Variants in PARVB observed in about 807,000 individuals in gnomAD.
The protein encoded by PARVB is beta-parvin.
In PARVB, 46 loss-of-function variants were observed where a neutral mutation model predicts 47.0. The ratio of observed to expected loss-of-function variants is 0.98; its 90% CI spans 0.77 to 1.25. PARVB has a LOEUF of 1.25. Among genes scored for constraint, PARVB ranks in the 50% most tolerant of loss-of-function variants. PARVB has a pLI of 0.00. For synonymous variants in PARVB, 196 were observed against 196.3 expected (o/e 1.00, Z 0.01); for missense variants, 473 against 471.6 (o/e 1.00, Z -0.03).
chr22:44,135,678 C>T (rs926438320), intron 6 of PARVB, among the ~76,000 whole-genome samples: 1 of 152,202 alleles, frequency 6.6e-6, no homozygotes, highest in Non-Finnish European at 1.5e-5. Flanking sequence ...GACATTTATT[C>T]TCTCGCAATT....
intron 7 of PARVB, among the ~76,000 whole-genome samples, chr22:44,137,612 C>A (rs1434836207): frequency 6.6e-6 from 1 of 152,182 alleles, no homozygotes; most frequent in Non-Finnish European, 1.5e-5. Context: ...GTTGTTCAGC[C>A]AGTCTCGCCT....
rs145459097 is a variant in PARVB at position 44,071,398 on chromosome 22, G to A, written c.113-22530G>A. 2.2e-3 allele frequency among the ~76,000 whole-genome samples: 334 copies of A among 152,290 alleles called. 1 individual carries two copies. Among genetic ancestry groups the A allele is most frequent in the African/African-American group, 7.7e-3 (319 of 41,564 alleles). On this transcript the variant is annotated intron_variant, in intron 1 of 12. Coordinates refer to ENST00000338758, the MANE Select transcript of PARVB (RefSeq NM_013327.5). ...CCACTGGGCTTCCTAAAATGCAAAC[G>A]AATTGAAAAGCTGTGCTGAATGTGT...
At position 44,119,198 on chromosome 22, in the gene PARVB, G is replaced by T. The variant is rs541576573; in HGVS notation, c.376+58G>T. The stretch of plus-strand genomic sequence containing the variant: ...CCCCATCTCCCTGCAGCGGCCCTGG[G>T]CTGGGCCAGGATTCTCTGCATAGTG... On this transcript the variant is annotated intron_variant, in intron 4 of 12. Transcript: ENST00000338758. The T allele has an allele frequency of 3.2e-5, 39 of 1,209,804 alleles. No homozygotes were observed. The South Asian group carries it at 4.3e-4, about 13-fold the overall frequency. 74.9% of individuals were successfully genotyped at this position (1,209,804 alleles called of 1,614,324 possible). A position where few individuals can be genotyped will look rare whatever the true frequency, so the allele number is the denominator to read the frequency against.
At chr22:44,088,300 G>T (rs1254261092) in intron 1 of PARVB, among the ~76,000 whole-genome samples, 1 of 152,164 alleles carries the variant, frequency 6.6e-6, no homozygotes. Flanking sequence ...GAACACCCAG[G>T]AGGGCTTCTT....
intron 9 of PARVB, 59 bp downstream of exon 9, chr22:44,147,981 A>C: frequency 7.8e-7 from 1 of 1,284,756 alleles, no homozygotes; most frequent in Non-Finnish European, 1.1e-6. Context: ...TTTTGACAGC[A>C]CAAACGCCCC....
chr22:44,129,292 G>A (rs1328585970), intron 4 of PARVB, among the ~76,000 whole-genome samples: 1 of 152,174 alleles, frequency 6.6e-6, no homozygotes, highest in Non-Finnish European at 1.5e-5. Flanking sequence ...CCGGTGCCTT[G>A]ATCTTGGACT....
At position 44,132,980 on chromosome 22, in the gene PARVB, C is replaced by A. The variant is rs2147165170; in HGVS notation, c.604C>A (p.His202Asn). 1 of 1,614,024 alleles carries A rather than the reference C, an allele frequency of 6.2e-7. No homozygotes were observed. Among genetic ancestry groups the A allele is most frequent in the South Asian group, 1.1e-5 (1 of 91,070 alleles). ...HFRAPIRLPEHVTVQVVVVRK... is the reference protein window; with the variant it reads ...HFRAPIRLPENVTVQVVVVRK... Reference sequence around the variant, plus strand: ...CAGGGCCCCCATCCGCCTTCCTGAGCATGTAACGGTGCAGGTGGTGGTCGT... The same window carrying A: ...CAGGGCCCCCATCCGCCTTCCTGAGAATGTAACGGTGCAGGTGGTGGTCGT... Residue 202 changes from histidine to asparagine, a missense_variant, in exon 6 of 13, where the codon CAT becomes AAT. Coordinates refer to ENST00000338758, the MANE Select transcript of PARVB (RefSeq NM_013327.5).
chr22:44,132,858 G>A, intron 5 of PARVB, 36 bp from the exon 6 acceptor site: 1 of 1,459,036 alleles, frequency 6.9e-7, no homozygotes, highest in South Asian at 1.1e-5. Flanking sequence ...TGTGTAACCT[G>A]ATCTAAAGCG....
intron 1 of PARVB, among the ~76,000 whole-genome samples, chr22:44,024,822 C>A (rs1364593072): frequency 6.6e-6 from 1 of 152,176 alleles, no homozygotes; most frequent in Non-Finnish European, 1.5e-5. Flanking sequence ...GTGACGCTCA[C>A]GTGTGCAGGG....
At chr22:44,140,099 GCTCT>G (rs761588703) in intron 7 of PARVB, 21 bp from the exon 8 acceptor site, 1 of 1,306,110 alleles carries the variant, frequency 7.7e-7, no homozygotes, top group African/African-American at 2.6e-5. Flanking sequence ...CCATCTCATG[GCTCT>G]CTCTGTGTTC....
At chr22:44,159,749 G>C (rs1388150655) in intron 11 of PARVB, among the ~76,000 whole-genome samples, 1 of 152,122 alleles carries the variant, frequency 6.6e-6, no homozygotes, top group Non-Finnish European at 1.5e-5. Flanking sequence ...GGACAGGTGG[G>C]TGGTCCCTGC....
intron 4 of PARVB, among the ~76,000 whole-genome samples, chr22:44,130,162 G>A (rs1393121678): frequency 6.6e-6 from 1 of 152,230 alleles, no homozygotes; most frequent in African/African-American, 2.4e-5. Flanking sequence ...CTTTCATGAT[G>A]GCATGTCAAT....
chr22:44,058,254 G>T (rs1486144644), intron 1 of PARVB, among the ~76,000 whole-genome samples: 1 of 152,106 alleles, frequency 6.6e-6, no homozygotes, highest in Non-Finnish European at 1.5e-5. Flanking sequence ...TCCAGGGAGG[G>T]ATCCTTCCTG....
intron 7 of PARVB, among the ~76,000 whole-genome samples, 189 bp downstream of exon 7, chr22:44,136,707 T>C (rs902256814): frequency 1.3e-5 from 2 of 152,100 alleles, no homozygotes; most frequent in East Asian, 3.9e-4. Context: ...TTCTTCAGAG[T>C]TTTTAACATT....
At chr22:44,098,506 G>T (rs1347595574) in intron 2 of PARVB, among the ~76,000 whole-genome samples, 1 of 152,148 alleles carries the variant, frequency 6.6e-6, no homozygotes, top group African/African-American at 2.4e-5. Flanking sequence ...GGGAAGGCCG[G>T]ATGGGCTGGA....
chr22:44,021,427 G>T (rs1421298899), upstream of PARVB, among the ~76,000 whole-genome samples: 2 of 152,128 alleles, frequency 1.3e-5, no homozygotes, highest in Non-Finnish European at 2.9e-5. Context: ...GAGAAAGAAG[G>T]TCAGAAAGAG....
chr22:44,119,947 G>C (rs2053005789), intron 4 of PARVB: 1 of 458,254 alleles, frequency 2.2e-6, no homozygotes, highest in Admixed American at 2.4e-5. Context: ...GTTCGCAGAT[G>C]ATGCATGAGA....
At position 44,101,420 on chromosome 22, in the gene PARVB, A is replaced by AT. The variant is rs1555903751; in HGVS notation, c.273+1297_273+1298insT. On this transcript the variant is annotated intron_variant, in intron 3 of 12. Transcript: ENST00000338758. ...GAGGCTCCGTCTCAAAAAAAAATAAAAAATAAAAAATAAAATATAAAATAA... is the reference window on the plus strand; with the variant it reads ...GAGGCTCCGTCTCAAAAAAAAATAAATAAATAAAAAATAAAATATAAAATAA... Among the ~76,000 whole-genome samples, 157 of 145,260 alleles carry AT rather than the reference A, an allele frequency of 1.1e-3. 1 individual carries two copies. The highest frequency in any genetic ancestry group is 4.2e-3 in the African/African-American group (149 of 35,694).
At chr22:44,040,919 T>C (rs1182963923) in intron 1 of PARVB, among the ~76,000 whole-genome samples, 1 of 151,298 alleles carries the variant, frequency 6.6e-6, no homozygotes, top group Non-Finnish European at 1.5e-5. Flanking sequence ...AGGAGAATGG[T>C]GTGAACCCGG....
Sources: gnomAD v4.1 joint callset for allele counts (sites outside exome capture counted in the v4.1 genomes callset) on GRCh38, gnomAD v4.1.1 for gene constraint, MANE v1.5 for transcripts, NCBI Gene and HGNC (gene_info 2026-07-23, HGNC 2026-07-21) for gene names.